Variants in ABCD3 observed in about 807,000 individuals in gnomAD.
ABCD3 encodes ATP binding cassette subfamily D member 3.
In ABCD3, 41 loss-of-function variants were observed where a neutral mutation model predicts 105.5. The observed-to-expected ratio is 0.39, with a 90% CI of 0.30 to 0.50. ABCD3 has a LOEUF of 0.50. Among genes scored for constraint, ABCD3 ranks in the 20% least tolerant of loss-of-function variants. ABCD3 has a pLI of 0.84. For synonymous variants in ABCD3, 258 were observed against 269.0 expected (o/e 0.96, Z 0.40); for missense variants, 622 against 806.3 (o/e 0.77, Z 2.77).
At chr1:94,492,803 A>G (rs1649597184) in intron 16 of ABCD3, among the ~76,000 whole-genome samples, 1 of 152,164 alleles carries the variant, frequency 6.6e-6, no homozygotes, top group African/African-American at 2.4e-5. Context: ...GCACAATGAG[A>G]AAGGGGGTTG....
the ABCD3 span, among the ~76,000 whole-genome samples, chr1:94,404,886 C>G: frequency 1.3e-5 from 2 of 148,930 alleles, no homozygotes; most frequent in Non-Finnish European, 3.0e-5. Context: ...TTGCAATGAG[C>G]TGATATTGCG....
chr1:94,456,420 T>A (rs1647567606), intron 1 of ABCD3, among the ~76,000 whole-genome samples: 1 of 151,074 alleles, frequency 6.6e-6, no homozygotes, highest in South Asian at 2.1e-4. Context: ...GGACTACAGG[T>A]GCATGCCTCC....
At chr1:94,435,012 C>A (rs1043242410) in intron 1 of ABCD3, among the ~76,000 whole-genome samples, 2 of 151,998 alleles carry the variant, frequency 1.3e-5, no homozygotes, top group Non-Finnish European at 2.9e-5. Flanking sequence ...CCTACATATC[C>A]CCCTGCCACC....
chr1:94,501,967 G>A (rs1650121454), intron 20 of ABCD3, among the ~76,000 whole-genome samples: 1 of 147,222 alleles, frequency 6.8e-6, no homozygotes, highest in Admixed American at 6.8e-5. Context: ...CCTTACAATT[G>A]TTCAGTCCTT....
Position 94,432,498 on chromosome 1 carries a change from C to T in ABCD3, c.110+13910C>T, listed in dbSNP as rs1181975123. ...AATAAAGTATTTATTGAACACTTAACCATATTTTAGACATTGTTCTAAATG... is the reference window on the plus strand; with the variant it reads ...AATAAAGTATTTATTGAACACTTAATCATATTTTAGACATTGTTCTAAATG... On this transcript the variant is annotated intron_variant, in intron 1 of 22. Coordinates refer to ENST00000370214, the MANE Select transcript of ABCD3 (RefSeq NM_002858.4). 3.9e-5 allele frequency: 6 copies of T among 152,178 alleles called. No individual in the cohort carries two copies. The South Asian group carries it at 1.2e-3, about 31-fold the overall frequency. 9.4% of individuals were successfully genotyped at this position (152,178 alleles called of 1,614,324 possible). A position where few individuals can be genotyped will look rare whatever the true frequency, so the allele number is the denominator to read the frequency against.
intron 13 of ABCD3, among the ~76,000 whole-genome samples, 189 bp downstream of exon 13, chr1:94,488,172 C>T (rs144440964): frequency 5.3e-5 from 8 of 152,144 alleles, no homozygotes; most frequent in East Asian, 1.9e-4. Context: ...AGCTGGTTTG[C>T]GCAGTACAGT....
chr1:94,444,113 C>T (rs1660245323), intron 1 of ABCD3, among the ~76,000 whole-genome samples: 1 of 151,768 alleles, frequency 6.6e-6, no homozygotes, highest in East Asian at 1.9e-4. Flanking sequence ...GCAGGCAGAC[C>T]ATGAGGTCAA....
intron 8 of ABCD3, among the ~76,000 whole-genome samples, chr1:94,479,497 G>GATAA (rs1648932352): frequency 6.6e-6 from 1 of 151,816 alleles, no homozygotes; most frequent in Non-Finnish European, 1.5e-5. Flanking sequence ...GGAATAAAAA[G>GATAA]ATAAGTAAGA....
intron 2 of ABCD3, among the ~76,000 whole-genome samples, chr1:94,460,496 T>G (rs1053339982): frequency 6.6e-6 from 1 of 152,180 alleles, no homozygotes; most frequent in African/African-American, 2.4e-5. Context: ...AATTCCTTTA[T>G]TAATTTATTA....
the ABCD3 span, among the ~76,000 whole-genome samples, chr1:94,409,924 G>A: frequency 2.3e-3 from 352 of 152,336 alleles, 1 homozygote; most frequent in African/African-American, 8.2e-3. Flanking sequence ...GATGGGAACG[G>A]TGCTACTGGA....
chr1:94,415,491 GC>G (rs1658983521), upstream of ABCD3, among the ~76,000 whole-genome samples: 2 of 152,314 alleles, frequency 1.3e-5, no homozygotes, highest in South Asian at 4.1e-4. Context: ...AGGACATAGT[GC>G]TGAGGAATTT....
chr1:94,469,066 G>A lies in ABCD3; in HGVS notation c.335+1059G>A, dbSNP rs960205484. 6.6e-5 allele frequency among the ~76,000 whole-genome samples: 10 copies of A among 152,322 alleles called. No individual in the cohort carries two copies. The East Asian group carries it at 7.7e-4, about 12-fold the overall frequency. ...ACATGAACATAGCTTAATGTCAGAT[G>A]TTCTGCAGGACTTAATGACAAAACA... is the stretch of plus-strand genomic sequence containing the variant. On this transcript the variant is annotated intron_variant, in intron 4 of 22. Transcript: ENST00000370214.
intron 2 of ABCD3, among the ~76,000 whole-genome samples, chr1:94,459,073 G>C (rs997906002): frequency 6.7e-6 from 1 of 149,074 alleles, no homozygotes; most frequent in Non-Finnish European, 1.5e-5. Context: ...TACCAACCAG[G>C]TCTCATTCTG....
At chr1:94,475,806 A>G in intron 7 of ABCD3, 69 bp downstream of exon 7, 3 of 1,329,104 alleles carry the variant, frequency 2.3e-6, no homozygotes, top group Non-Finnish European at 2.1e-6. Context: ...GCAAATTTAT[A>G]TAGAATTGAT....
intron 1 of ABCD3, among the ~76,000 whole-genome samples, chr1:94,444,404 GTTC>G (rs1211865465): frequency 6.6e-6 from 1 of 151,126 alleles, no homozygotes; most frequent in Non-Finnish European, 1.5e-5. Context: ...GACTCAAGCA[GTTC>G]TTCTGCCTTG....
At chr1:94,458,705 A>G (rs1647713587) in intron 2 of ABCD3, 62 bp downstream of exon 2, 3 of 1,502,582 alleles carry the variant, frequency 2.0e-6, no homozygotes, top group Non-Finnish European at 1.8e-6. Context: ...ATTTTGTCAT[A>G]TGATTCTGAT....
the ABCD3 span, among the ~76,000 whole-genome samples, chr1:94,389,141 C>T: frequency 2.6e-5 from 4 of 152,132 alleles, no homozygotes; most frequent in Non-Finnish European, 5.9e-5. Flanking sequence ...ATGTAGTAGG[C>T]CCAGATAAAA....
intron 1 of ABCD3, among the ~76,000 whole-genome samples, chr1:94,443,451 GC>G (rs553382038): frequency 3.5e-4 from 53 of 152,250 alleles, no homozygotes; most frequent in Non-Finnish European, 5.4e-4. Context: ...TTGTGTAGAA[GC>G]TTTTTAGTTT....
chr1:94,506,492 T>G, intron 20 of ABCD3, 46 bp from the exon 21 acceptor site: 1 of 1,149,424 alleles, frequency 8.7e-7, no homozygotes, highest in Non-Finnish European at 1.3e-6. Context: ...CTTACTAATT[T>G]TAGGTCTGCC....
Sources: gnomAD v4.1 joint callset for allele counts (sites outside exome capture counted in the v4.1 genomes callset) on GRCh38, gnomAD v4.1.1 for gene constraint, MANE v1.5 for transcripts, NCBI Gene and HGNC (gene_info 2026-07-23, HGNC 2026-07-21) for gene names.